Variants in CTNND2 observed in about 807,000 individuals in gnomAD.
The protein encoded by CTNND2 is catenin delta 2, also known as catenin delta-2.
CTNND2 carries 22 observed loss-of-function variants against 144.4 expected under a neutral mutation model. The ratio of observed to expected loss-of-function variants is 0.15; its 90% confidence interval spans 0.11 to 0.22. The LOEUF (loss-of-function observed/expected upper bound fraction) is 0.22, where lower values mean the gene tolerates loss of function less well. Among genes scored for constraint, CTNND2 ranks in the 10% least tolerant of loss-of-function variants. The pLI, the probability that CTNND2 is intolerant of heterozygous loss-of-function variation, is 1.00. For synonymous variants in CTNND2, 751 were observed against 695.6 expected, an observed-to-expected ratio of 1.08 and a Z score of -1.25; for missense variants, 1,353 against 1,618.8, an observed-to-expected ratio of 0.84 and a Z score of 2.82.
intron 6 of CTNND2, among the ~76,000 whole-genome samples, chr5:11,387,969 A>G (rs1254527905): frequency 6.6e-6 from 1 of 152,204 alleles, no homozygotes; most frequent in African/African-American, 2.4e-5. Flanking sequence ...AGTGCTGAAT[A>G]CGACTGTCTC....
At chr5:11,397,313 C>A in intron 5 of CTNND2, 110 bp from the exon 6 acceptor site, 1 of 841,308 alleles carries the variant, frequency 1.2e-6, no homozygotes, top group Non-Finnish European at 1.7e-6. Flanking sequence ...TGATTCCAGC[C>A]ATCCATGCTT....
chr5:11,375,255 C>T (rs1757825449), intron 7 of CTNND2, among the ~76,000 whole-genome samples: 3 of 152,116 alleles, frequency 2.0e-5, no homozygotes, highest in Admixed American at 2.0e-4. Flanking sequence ...TCAGAGTGAC[C>T]TCTGTCATAA....
At chr5:11,209,049 T>C (rs755398037) in intron 10 of CTNND2, among the ~76,000 whole-genome samples, 58 of 152,088 alleles carry the variant, frequency 3.8e-4, no homozygotes, top group Non-Finnish European at 7.5e-4. Flanking sequence ...CTGAACAATA[T>C]AAATACAAAC....
At chr5:11,470,972 ATATATATATTTT>A (rs1257368127) in intron 3 of CTNND2, among the ~76,000 whole-genome samples, 1,194 of 98,394 alleles carry the variant, frequency 0.012, 32 homozygotes, top group African/African-American at 0.054. Context: ...ATATATATAT[ATATATATATTTT>A]TTTTTTTTTT....
Position 11,835,997 on chromosome 5 carries a change from A to T in CTNND2, c.37+67820T>A, listed in dbSNP as rs536379740. ...CAGCACTGCTCTGCTTATGTCCCCA[A>T]ATTTTTGATACAATGCATTTTAATT... On this transcript the variant is annotated intron_variant, in intron 1 of 21. Transcript: ENST00000304623. Among the ~76,000 whole-genome samples the T allele has an allele frequency of 4.6e-5, 7 of 152,164 alleles. No homozygotes were observed. In the East Asian group the frequency reaches 1.2e-3, roughly 25 times the overall value.
At chr5:11,311,982 C>T (rs1264304536) in intron 9 of CTNND2, among the ~76,000 whole-genome samples, 2 of 149,108 alleles carry the variant, frequency 1.3e-5, no homozygotes, top group Admixed American at 6.7e-5. Context: ...CACCCACACA[C>T]TACCCATATA....
intron 7 of CTNND2, among the ~76,000 whole-genome samples, chr5:11,374,325 C>A (rs1038602935): frequency 2.0e-5 from 3 of 152,272 alleles, no homozygotes; most frequent in African/African-American, 7.2e-5. Flanking sequence ...TAACAAAAGT[C>A]TTTTGACATG....
intron 9 of CTNND2, among the ~76,000 whole-genome samples, chr5:11,310,640 G>A (rs942423824): frequency 6.6e-6 from 1 of 151,752 alleles, no homozygotes; most frequent in African/African-American, 2.4e-5. Flanking sequence ...CCGAGGACCC[G>A]GATTTACCGA....
chr5:11,579,492 A>G (rs767801092), intron 2 of CTNND2, among the ~76,000 whole-genome samples: 2 of 152,198 alleles, frequency 1.3e-5, no homozygotes, highest in African/African-American at 4.8e-5. Flanking sequence ...AGACAAGCTA[A>G]TATCATTATG....
intron 17 of CTNND2, among the ~76,000 whole-genome samples, chr5:11,018,814 G>A (rs987635742): frequency 1.3e-5 from 2 of 151,194 alleles, no homozygotes; most frequent in African/African-American, 4.9e-5. Context: ...GGGTTCAAGC[G>A]ATTCTCCTTC....
intron 2 of CTNND2, among the ~76,000 whole-genome samples, chr5:11,578,429 G>C (rs889583298): frequency 1.3e-5 from 2 of 152,054 alleles, no homozygotes; most frequent in Non-Finnish European, 2.9e-5. Flanking sequence ...TTGGGAGGCT[G>C]AGAAGGGCAG....
At chr5:11,011,845 G>A (rs1186346082) in intron 18 of CTNND2, among the ~76,000 whole-genome samples, 1 of 152,110 alleles carries the variant, frequency 6.6e-6, no homozygotes, top group Non-Finnish European at 1.5e-5. Flanking sequence ...TTTCCTATAG[G>A]AATATCGCTA....
intron 2 of CTNND2, among the ~76,000 whole-genome samples, chr5:11,665,728 T>G (rs1274042182): frequency 6.6e-6 from 1 of 152,144 alleles, no homozygotes; most frequent in East Asian, 1.9e-4. Context: ...CAAAGTGAGG[T>G]GTGTATTCAG....
chr5:11,222,754 C>T (rs1015740615), intron 10 of CTNND2, among the ~76,000 whole-genome samples: 1 of 152,136 alleles, frequency 6.6e-6, no homozygotes, highest in Non-Finnish European at 1.5e-5. Context: ...TGCAGTGAAC[C>T]CTGATCACAC....
intron 9 of CTNND2, among the ~76,000 whole-genome samples, chr5:11,250,307 A>G (rs1308635502): frequency 6.6e-6 from 1 of 151,926 alleles, no homozygotes; most frequent in Non-Finnish European, 1.5e-5. Flanking sequence ...GTTGATTTCA[A>G]TATAATGGTA....
intron 1 of CTNND2, among the ~76,000 whole-genome samples, chr5:11,782,230 G>A (rs982861345): frequency 6.6e-6 from 1 of 151,940 alleles, no homozygotes; most frequent in Non-Finnish European, 1.5e-5. Flanking sequence ...AAATTACCCA[G>A]TCTCGGATAT....
At chr5:11,520,229 G>C (rs140935967) in intron 3 of CTNND2, among the ~76,000 whole-genome samples, 38 of 152,116 alleles carry the variant, frequency 2.5e-4, no homozygotes, top group African/African-American at 7.2e-4. Flanking sequence ...AGTAAGGCTT[G>C]GATCTGCTTT....
At chr5:11,141,387 T>C (rs527299751) in intron 12 of CTNND2, among the ~76,000 whole-genome samples, 7 of 152,338 alleles carry the variant, frequency 4.6e-5, no homozygotes, top group Admixed American at 2.6e-4. Flanking sequence ...TGATTGGCTT[T>C]ACCTGTTTTC....
intron 17 of CTNND2, among the ~76,000 whole-genome samples, chr5:11,018,729 G>A (rs1466356429): frequency 2.5e-5 from 1 of 39,770 alleles, no homozygotes; most frequent in East Asian, 8.3e-4. Context: ...TTTTTTTTTT[G>A]AGACTGAGTC....
Sources: allele counts gnomAD v4.1 joint callset (sites outside exome capture counted in the v4.1 genomes callset), GRCh38; gene constraint gnomAD v4.1.1; transcripts MANE v1.5; gene names NCBI Gene and HGNC (gene_info 2026-07-23, HGNC 2026-07-21).